The following PTPRD variants were observed in gnomAD, a reference collection of about 807,000 sequenced individuals.
PTPRD encodes receptor-type tyrosine-protein phosphatase delta.
A neutral mutation model predicts 214.5 loss-of-function variants in PTPRD; 34 were observed. The observed-to-expected ratio is 0.16, with a 90% CI of 0.12 to 0.21. The LOEUF is 0.21. Among genes scored for constraint, PTPRD ranks in the 10% least tolerant of loss-of-function variants. PTPRD has a pLI of 1.00. For synonymous variants in PTPRD, 1,128 were observed against 845.7 expected (o/e 1.33, Z -5.79); for missense variants, 2,545 against 2,398.7 (o/e 1.06, Z -1.27).
intron 2 of PTPRD, among the ~76,000 whole-genome samples, chr9:10,609,809 A>G (rs910665675): frequency 1.2e-4 from 18 of 152,174 alleles, no homozygotes; most frequent in African/African-American, 4.1e-4. Flanking sequence ...TCCATAAAAT[A>G]TAAGACCATG....
chr9:9,066,447 G>A (rs983359660), intron 10 of PTPRD, among the ~76,000 whole-genome samples: 2 of 151,876 alleles, frequency 1.3e-5, no homozygotes, highest in Admixed American at 6.6e-5. Context: ...AAATTAATTG[G>A]AATAAAATTT....
intron 4 of PTPRD, among the ~76,000 whole-genome samples, chr9:10,027,691 A>AT (rs761913576): frequency 6.6e-6 from 1 of 152,148 alleles, no homozygotes; most frequent in South Asian, 2.1e-4. Flanking sequence ...CAAAAAATAC[A>AT]TTTTTTCTAA....
At chr9:9,154,598 G>T (rs150580391) in intron 10 of PTPRD, among the ~76,000 whole-genome samples, 3 of 152,232 alleles carry the variant, frequency 2.0e-5, no homozygotes, top group Admixed American at 6.5e-5. Flanking sequence ...ATTATTACAT[G>T]AATTTTAATG....
At chr9:10,043,823 T>A (rs1216035000) in intron 3 of PTPRD, among the ~76,000 whole-genome samples, 1 of 151,892 alleles carries the variant, frequency 6.6e-6, no homozygotes, top group Non-Finnish European at 1.5e-5. Context: ...AAAGTCTATT[T>A]TATCTTTAGT....
chr9:9,977,059 A>G (rs2095382822), intron 4 of PTPRD, among the ~76,000 whole-genome samples: 1 of 152,206 alleles, frequency 6.6e-6, no homozygotes, highest in South Asian at 2.1e-4. Context: ...ATTTATGACT[A>G]CTAAACAAAC....
At chr9:9,768,188 G>C (rs1274525764) in intron 5 of PTPRD, among the ~76,000 whole-genome samples, 1 of 151,968 alleles carries the variant, frequency 6.6e-6, no homozygotes, top group East Asian at 1.9e-4. Context: ...TGGTTCCTTG[G>C]ATAGCTAATC....
intron 3 of PTPRD, among the ~76,000 whole-genome samples, chr9:10,150,480 G>A (rs2154277197): frequency 6.6e-6 from 1 of 152,080 alleles, no homozygotes; most frequent in South Asian, 2.1e-4. Flanking sequence ...ATGGACACGG[G>A]GTGGGGAACA....
intron 6 of PTPRD, among the ~76,000 whole-genome samples, chr9:9,735,902 G>C (rs1194603690): frequency 6.6e-6 from 1 of 152,042 alleles, no homozygotes; most frequent in Non-Finnish European, 1.5e-5. Flanking sequence ...AAATAGAAAT[G>C]TATACAGCTC....
chr9:9,577,004 G>T (rs2089078920), intron 7 of PTPRD, among the ~76,000 whole-genome samples: 1 of 152,022 alleles, frequency 6.6e-6, no homozygotes. Flanking sequence ...AAATCCAAAA[G>T]ACATCCTTGT....
chr9:9,728,799 G>A (rs1378654553), intron 7 of PTPRD, among the ~76,000 whole-genome samples: 1 of 152,140 alleles, frequency 6.6e-6, no homozygotes, highest in Non-Finnish European at 1.5e-5. Context: ...CTATTAGAAA[G>A]TAGACCATTT....
chr9:8,499,592 G>T (rs2136788850), intron 25 of PTPRD, 55 bp downstream of exon 25: 1 of 1,539,440 alleles, frequency 6.5e-7, no homozygotes, highest in South Asian at 1.3e-5. Flanking sequence ...TTCAGGATAT[G>T]AACTAAGATA....
intron 14 of PTPRD, among the ~76,000 whole-genome samples, chr9:8,614,010 G>C (rs996513078): frequency 1.3e-5 from 2 of 151,746 alleles, no homozygotes; most frequent in African/African-American, 4.8e-5. Context: ...AAGTCTGGGA[G>C]GCTATTAGTG....
rs61581507 is a variant in PTPRD at position 9,228,594 on chromosome 9, C to G, written c.-202-45231G>C. Reference sequence around the variant, plus strand: ...GACTTTAGGGTAAACAGGTTTAAATCTCATTTTGATGCCTTGCTAGTTCTA... The same window carrying G: ...GACTTTAGGGTAAACAGGTTTAAATGTCATTTTGATGCCTTGCTAGTTCTA... On this transcript the variant is annotated intron_variant, in intron 9 of 45. Coordinates refer to ENST00000381196, the MANE Select transcript of PTPRD (RefSeq NM_002839.4). Among the ~76,000 whole-genome samples, 451 of 151,854 alleles carry G rather than the reference C, an allele frequency of 3.0e-3. 3 individuals carry two copies. Among genetic ancestry groups the G allele is most frequent in the African/African-American group, 0.01 (418 of 41,420 alleles).
chr9:9,715,857 A>T (rs1452166377), intron 7 of PTPRD, among the ~76,000 whole-genome samples: 1 of 151,972 alleles, frequency 6.6e-6, no homozygotes, highest in Non-Finnish European at 1.5e-5. Context: ...TTTTGTTATT[A>T]TTATTATTAT....
At chr9:10,589,356 A>C (rs1246926671) in intron 2 of PTPRD, among the ~76,000 whole-genome samples, 2 of 152,074 alleles carry the variant, frequency 1.3e-5, no homozygotes, top group Non-Finnish European at 2.9e-5. Context: ...AGGGAAAGAA[A>C]GGAAATTATC....
intron 5 of PTPRD, among the ~76,000 whole-genome samples, chr9:9,784,438 G>T (rs540019771): frequency 5.9e-5 from 9 of 151,976 alleles, no homozygotes; most frequent in South Asian, 2.1e-4. Context: ...GAAGGAAAAA[G>T]ATATTATTTT....
intron 2 of PTPRD, among the ~76,000 whole-genome samples, chr9:10,397,301 A>G (rs2098189309): frequency 6.6e-6 from 1 of 152,042 alleles, no homozygotes; most frequent in South Asian, 2.1e-4. Flanking sequence ...ATAATGGTAC[A>G]TCCGTCAGAC....
At chr9:9,264,186 TA>T (rs1272091185) in intron 9 of PTPRD, among the ~76,000 whole-genome samples, 1 of 151,604 alleles carries the variant, frequency 6.6e-6, no homozygotes, top group African/African-American at 2.4e-5. Context: ...AGGTACACAA[TA>T]ATATTTCAGT....
chr9:8,336,253 A>G (rs1024975173), intron 43 of PTPRD, among the ~76,000 whole-genome samples: 5 of 148,986 alleles, frequency 3.4e-5, no homozygotes, highest in African/African-American at 1.0e-4. Context: ...CAAAACAGAG[A>G]TATAGACCAA....
Sources: gnomAD v4.1 joint callset for allele counts (sites outside exome capture counted in the v4.1 genomes callset) on GRCh38, gnomAD v4.1.1 for gene constraint, MANE v1.5 for transcripts, NCBI Gene and HGNC (gene_info 2026-07-23, HGNC 2026-07-21) for gene names.